The following VPS35 variants were observed in gnomAD, a reference collection of about 807,000 sequenced individuals.
VPS35 encodes VPS35 retromer complex component, also known as vacuolar protein sorting-associated protein 35.
VPS35 carries 21 observed loss-of-function variants against 98.1 expected under a neutral mutation model. That is an observed-to-expected ratio of 0.21 (90% confidence interval 0.15 to 0.31). The LOEUF is 0.31. Among genes scored for constraint, VPS35 ranks in the 10% least tolerant of loss-of-function variants. VPS35 has a pLI of 1.00. For missense variants in VPS35, 554 were observed against 950.8 expected, an observed-to-expected ratio of 0.58 and a Z score of 5.49; for synonymous variants, 268 against 318.2, an observed-to-expected ratio of 0.84 and a Z score of 1.68.
Position 46,672,336 on chromosome 16 carries a change from T to G in VPS35, c.1297A>C (p.Arg433=), listed in dbSNP as rs191165923. Residue 433 remains arginine (R), a synonymous_variant, in exon 11 of 17, where the codon AGA becomes CGA. Transcript: ENST00000299138. ...AGCACATAACAACTCATGCTCTTTC[T>G]GGACTCGTAGTCAAAGTACTCAAAG... ...PLFEYFDYES[R]KSMSCYVLSN... The G allele has an allele frequency of 1.2e-6, 2 of 1,613,868 alleles. No homozygotes were observed. The highest frequency in any genetic ancestry group is 2.2e-5 in the East Asian group (1 of 44,792).
chr16:46,683,366 T>G, intron 2 of VPS35, 142 bp downstream of exon 2: 1 of 791,638 alleles, frequency 1.3e-6, no homozygotes. Flanking sequence ...CACAAAGTGC[T>G]TGAGGGAGAT....
In VPS35 at chr16:46,674,632, C is replaced by T. The variant is rs774611405; in HGVS notation, c.943G>A (p.Gly315Arg). 9 of 1,610,482 alleles carry T rather than the reference C, an allele frequency of 5.6e-6. No homozygotes were observed. The highest frequency in any genetic ancestry group is 6.8e-6 in the Non-Finnish European group (8 of 1,178,608). Residue 315 changes from glycine to arginine, a missense_variant, in exon 9 of 17, where the codon GGA (glycine) becomes AGA (arginine). By Grantham distance (125) the Gly-to-Arg change is moderately radical (BLOSUM62 -2). Coordinates refer to ENST00000299138, the MANE Select transcript of VPS35 (RefSeq NM_018206.6). ...TTAATATCCGCTGGGATTCCAGGTCCATCTTCACGGTGAGCAAATAAAGCT... is the reference window on the plus strand; with the variant it reads ...TTAATATCCGCTGGGATTCCAGGTCTATCTTCACGGTGAGCAAATAAAGCT... ...RLALFAHRED[G>R]PGIPADIKLF...
intron 13 of VPS35, among the ~76,000 whole-genome samples, chr16:46,663,710 CTT>C (rs369420422): frequency 7.3e-6 from 1 of 137,496 alleles, no homozygotes; most frequent in African/African-American, 2.7e-5. Context: ...TTTTTCTTTC[CTT>C]TTTTTTTTTT....
At chr16:46,673,387 A>G (rs1258713341) in intron 10 of VPS35, 1 of 152,288 alleles carries the variant, frequency 6.6e-6, no homozygotes, top group Non-Finnish European at 1.5e-5. Context: ...GAGGAAAAAA[A>G]GAAGAAATTT....
chr16:46,671,782 C>A lies in VPS35; in HGVS notation c.1447G>T (p.Asp483Tyr), dbSNP rs751379541. 3 of 1,613,994 alleles carry A rather than the reference C, an allele frequency of 1.9e-6. No homozygotes were observed. The highest frequency in any genetic ancestry group is 2.7e-5 in the African/African-American group (2 of 74,932). Residue 483 changes from aspartate to tyrosine, a missense_variant, in exon 12 of 17, where the codon GAT becomes TAT. By Grantham distance (160) the Asp-to-Tyr change is radical. Coordinates refer to ENST00000299138, the MANE Select transcript of VPS35 (RefSeq NM_018206.6). Reference protein sequence around the residue: ...DQPVEDPDPEDFADEQSLVGR... With the variant: ...DQPVEDPDPEYFADEQSLVGR... ...ACAAGGCTCTGCTCATCAGCAAAAT[C>A]TTCTGGATCAGGGTCTTCTACAGGT... is the stretch of plus-strand genomic sequence containing the variant.
At chr16:46,667,916 C>T (rs1451814461) in intron 13 of VPS35, among the ~76,000 whole-genome samples, 1 of 152,102 alleles carries the variant, frequency 6.6e-6, no homozygotes, top group Non-Finnish European at 1.5e-5. Context: ...TACCATACTG[C>T]TTTAATTACT....
intron 13 of VPS35, among the ~76,000 whole-genome samples, chr16:46,663,861 A>ACTTTT (rs1567262302): frequency 5.1e-5 from 1 of 19,448 alleles, no homozygotes; most frequent in Non-Finnish European, 1.2e-4. Flanking sequence ...ACACCTGGCT[A>ACTTTT]ATTTTTTTTT....
At position 46,672,306 on chromosome 16, in the gene VPS35, T is replaced by C. The variant is rs376209552; in HGVS notation, c.1327A>G (p.Asn443Asp). Residue 443 changes from asparagine (N) to aspartate (D), a missense_variant, in exon 11 of 17, where the codon AAT becomes GAT. Asn to Asp is a conservative substitution (Grantham distance 23). Transcript: ENST00000299138. The part of the protein sequence containing the change: ...RKSMSCYVLS[N>D]VLDYNTEIVS... The stretch of plus-strand genomic sequence containing the variant: ...ATTTCTGTGTTATAATCCAGAACAT[T>C]ACTAAGCACATAACAACTCATGCTC... 16 of 1,613,726 alleles carry C rather than the reference T, an allele frequency of 9.9e-6. No individual in the cohort carries two copies. Among genetic ancestry groups the C allele is most frequent in the Non-Finnish European group, 1.4e-5 (16 of 1,179,874 alleles).
chr16:46,677,603 T>G (rs1966171187), intron 6 of VPS35: 1 of 548,504 alleles, frequency 1.8e-6, no homozygotes, highest in Admixed American at 3.0e-5. Context: ...TGGCACAATC[T>G]CCACTCAATG....
chr16:46,673,299 A>G (rs1966094517), intron 10 of VPS35: 1 of 152,112 alleles, frequency 6.6e-6, no homozygotes, highest in Admixed American at 6.6e-5. Flanking sequence ...CACACTTATC[A>G]TTCCACATCT....
At position 46,669,256 on chromosome 16, in the gene VPS35, G is replaced by C. The variant is rs1052831229; in HGVS notation, c.1525-204C>G. 6 of 637,978 alleles carry C rather than the reference G, an allele frequency of 9.4e-6. No individual in the cohort carries two copies. The Admixed American group carries it at 1.4e-4, about 15-fold the overall frequency. 39.5% of individuals were successfully genotyped at this position (637,978 alleles called of 1,614,324 possible). A position where few individuals can be genotyped will look rare whatever the true frequency, so the allele number is the denominator to read the frequency against. The stretch of plus-strand genomic sequence containing the variant: ...AGATACTATTCCATTTCACAAATGG[G>C]GAAGCCTGAGTTTCAGAGAGGTTGT... On this transcript the variant is annotated intron_variant, in intron 12 of 16. Coordinates refer to ENST00000299138, the MANE Select transcript of VPS35 (RefSeq NM_018206.6).
Position 46,676,527 on chromosome 16 carries a change from T to G in VPS35, c.914+56A>C. The G allele has an allele frequency of 5.4e-6, 6 of 1,106,332 alleles. No individual in the cohort carries two copies. In the Admixed American group the frequency reaches 1.0e-4, roughly 19 times the overall value. The allele number at this position is 1,106,332 out of a possible 1,614,324, so 68.5% of individuals were successfully genotyped here. A position where few individuals can be genotyped will look rare whatever the true frequency, so the allele number is the denominator to read the frequency against. On this transcript the variant is annotated intron_variant, in intron 8 of 16. Coordinates refer to ENST00000299138, the MANE Select transcript of VPS35 (RefSeq NM_018206.6). ...GAAACAAATAATTCAAAAAAATGTT[T>G]AAAATTCATTATTCCCAAGTCAGAG...
chr16:46,677,176 G>A lies in VPS35; in HGVS notation c.804+139C>T, dbSNP rs1240571673. 5 of 784,542 alleles carry A rather than the reference G, an allele frequency of 6.4e-6. No homozygotes were observed. In the African/African-American group the frequency reaches 8.7e-5, roughly 14 times the overall value. 48.6% of individuals were successfully genotyped at this position (784,542 alleles called of 1,614,324 possible). ...CTCCCAAACTGCTGAGATTACAGGTGTGAGTCACCACACCCCGCAAGGAAA... is the reference window on the plus strand; with the variant it reads ...CTCCCAAACTGCTGAGATTACAGGTATGAGTCACCACACCCCGCAAGGAAA... On this transcript the variant is annotated intron_variant, in intron 7 of 16. Transcript: ENST00000299138.
At chr16:46,669,259 A>G in intron 12 of VPS35, 1 of 632,226 alleles carries the variant, frequency 1.6e-6, no homozygotes. Flanking sequence ...CAAATGGGGA[A>G]GCCTGAGTTT....
intron 12 of VPS35, among the ~76,000 whole-genome samples, chr16:46,670,495 T>C (rs1567265182): frequency 6.6e-6 from 1 of 152,034 alleles, no homozygotes; most frequent in Non-Finnish European, 1.5e-5. Context: ...ATGTTGGCCA[T>C]GCTGATCCTG....
intron 1 of VPS35, among the ~76,000 whole-genome samples, chr16:46,685,793 C>A (rs1478399161): frequency 6.6e-6 from 1 of 152,142 alleles, no homozygotes; most frequent in Non-Finnish European, 1.5e-5. Flanking sequence ...CAATGGATTT[C>A]ATTAAGTTCA....
Position 46,660,400 on chromosome 16 carries a change from G to T in VPS35, c.*72C>A. ...AGCATTTCTGAAAGGCACAATCTAT[G>T]GAAGGGAAACCTAGCGTAATAAAAC... On this transcript the variant is annotated 3_prime_UTR_variant, in exon 17 of 17. Coordinates refer to ENST00000299138, the MANE Select transcript of VPS35 (RefSeq NM_018206.6). The T allele has an allele frequency of 6.3e-7, 1 of 1,584,774 alleles. No individual in the cohort carries two copies. Among genetic ancestry groups the T allele is most frequent in the Non-Finnish European group, 8.6e-7 (1 of 1,162,344 alleles).
chr16:46,680,971 C>T (rs774838662), intron 4 of VPS35, 118 bp from the exon 5 acceptor site: 52 of 1,113,138 alleles, frequency 4.7e-5, no homozygotes, highest in Non-Finnish European at 5.8e-5. Flanking sequence ...TGTTTTCTCC[C>T]GCATGACAAG....
intron 1 of VPS35, 93 bp downstream of exon 1, chr16:46,689,038 C>A (rs1305743464): frequency 1.9e-6 from 3 of 1,566,766 alleles, no homozygotes; most frequent in East Asian, 2.4e-5. Flanking sequence ...GTCTGTGGGG[C>A]CCCTTCTCCA....
Sources: gnomAD v4.1 joint callset for allele counts (sites outside exome capture counted in the v4.1 genomes callset) on GRCh38, gnomAD v4.1.1 for gene constraint, MANE v1.5 for transcripts, NCBI Gene and HGNC (gene_info 2026-07-23, HGNC 2026-07-21) for gene names.